Variants in GPR158 observed in about 807,000 individuals in gnomAD.
GPR158 encodes G protein-coupled receptor 158.
A neutral mutation model predicts 78.2 loss-of-function variants in GPR158; 30 were observed. The observed-to-expected ratio is 0.38, with a 90% CI of 0.29 to 0.52. The LOEUF (loss-of-function observed/expected upper bound fraction) is 0.52. Ranked by LOEUF, GPR158 falls within the 20% of genes least tolerant of loss-of-function variation. The pLI is 0.83. For synonymous variants in GPR158, 581 were observed against 591.1 expected (o/e 0.98, Z 0.25); for missense variants, 1,463 against 1,523.5 (o/e 0.96, Z 0.66).
At chr10:25,496,512 CT>C (rs761833444) in intron 5 of GPR158, among the ~76,000 whole-genome samples, 3 of 152,204 alleles carry the variant, frequency 2.0e-5, no homozygotes, top group African/African-American at 4.8e-5. Flanking sequence ...AAGTAAAAGA[CT>C]CTGGGGAGTT....
chr10:25,510,372 T>G (rs1836069016), intron 5 of GPR158, among the ~76,000 whole-genome samples: 1 of 152,206 alleles, frequency 6.6e-6, no homozygotes, highest in African/African-American at 2.4e-5. Flanking sequence ...GTATAGGAGC[T>G]TCACATTTTA....
At chr10:25,312,908 T>G (rs568118419) in intron 2 of GPR158, among the ~76,000 whole-genome samples, 2 of 152,138 alleles carry the variant, frequency 1.3e-5, no homozygotes, top group East Asian at 3.9e-4. Context: ...ACCCCCATAT[T>G]TTTGCATTAT....
chr10:25,524,748 A>T (rs2130686663), intron 5 of GPR158, among the ~76,000 whole-genome samples: 1 of 152,348 alleles, frequency 6.6e-6, no homozygotes, highest in South Asian at 2.1e-4. Flanking sequence ...TAGATATGAC[A>T]CCAAAATCAC....
chr10:25,421,131 G>A (rs947490), intron 4 of GPR158, among the ~76,000 whole-genome samples: 105,805 of 151,440 alleles, frequency 0.7, 37,932 homozygotes, highest in Non-Finnish European at 0.8. Flanking sequence ...CTTTCATTTT[G>A]CTTAGTAATG....
chr10:25,198,621 T>C (rs1251470596), intron 1 of GPR158, among the ~76,000 whole-genome samples: 2 of 152,224 alleles, frequency 1.3e-5, no homozygotes, highest in Non-Finnish European at 2.9e-5. Context: ...AAATTTGGCC[T>C]TCTAAATAAG....
At chr10:25,408,509 T>G (rs1398478125) in intron 3 of GPR158, among the ~76,000 whole-genome samples, 1 of 152,236 alleles carries the variant, frequency 6.6e-6, no homozygotes, top group Non-Finnish European at 1.5e-5. Context: ...TATCGTCTCC[T>G]ATTCTACAGT....
At chr10:25,405,482 CAA>C (rs1212108555) in intron 3 of GPR158, among the ~76,000 whole-genome samples, 1 of 97,128 alleles carries the variant, frequency 1.0e-5, no homozygotes, top group African/African-American at 3.7e-5. Context: ...CAAAATCTGA[CAA>C]GAGAAACAAT....
chr10:25,341,994 G>T (rs1855309569), intron 2 of GPR158, among the ~76,000 whole-genome samples: 3 of 151,882 alleles, frequency 2.0e-5, no homozygotes, highest in Admixed American at 6.6e-5. Flanking sequence ...CAGAGTTCCT[G>T]ATACTTATTG....
intron 5 of GPR158, among the ~76,000 whole-genome samples, chr10:25,531,733 G>A (rs1418501721): frequency 6.6e-6 from 1 of 152,186 alleles, no homozygotes; most frequent in African/African-American, 2.4e-5. Context: ...AATCTTTAAG[G>A]AATAAATATA....
intron 4 of GPR158, among the ~76,000 whole-genome samples, chr10:25,443,573 A>AATT (rs1491399142): frequency 1.1e-5 from 1 of 92,678 alleles, no homozygotes; most frequent in African/African-American, 4.5e-5. Context: ...AAAAAAAAAA[A>AATT]TTTTTTTTTT....
intron 5 of GPR158, among the ~76,000 whole-genome samples, chr10:25,528,463 T>G (rs1000372475): frequency 6.6e-6 from 1 of 152,060 alleles, no homozygotes; most frequent in Non-Finnish European, 1.5e-5. Context: ...TAAGTGAATT[T>G]GTCAGGGTTC....
intron 1 of GPR158, among the ~76,000 whole-genome samples, chr10:25,189,784 A>AT (rs1202168303): frequency 2.7e-5 from 4 of 150,516 alleles, no homozygotes; most frequent in African/African-American, 7.4e-5. Context: ...TTAAAGTATA[A>AT]TTTAAAAAAA....
At chr10:25,523,981 G>T (rs1344229868) in intron 5 of GPR158, among the ~76,000 whole-genome samples, 5 of 151,986 alleles carry the variant, frequency 3.3e-5, no homozygotes, top group African/African-American at 1.2e-4. Context: ...GTTCAGCAAA[G>T]TTGCAGAATA....
rs546265500 is a variant in GPR158, at chr10:25,238,063, C to CTCCTTCTTCT, written c.1008+16915_1008+16924dup. 7.7e-3 allele frequency among the ~76,000 whole-genome samples: 1,151 copies of CTCCTTCTTCT among 149,834 alleles called. 13 individuals are homozygous for CTCCTTCTTCT. Among genetic ancestry groups the CTCCTTCTTCT allele is most frequent in the African/African-American group, 0.028 (1,102 of 39,758 alleles). ...AATTCTTGTCTTTCTTTTCTTTTCT[C>CTCCTTCTTCT]TCCTTCTTCTTCCTTCTTTTTCTTT... On this transcript the variant is annotated intron_variant, in intron 2 of 10. Coordinates refer to ENST00000376351, the MANE Select transcript of GPR158 (RefSeq NM_020752.3).
At chr10:25,565,162 C>A (rs916594521) in intron 6 of GPR158, among the ~76,000 whole-genome samples, 13 of 152,058 alleles carry the variant, frequency 8.5e-5, no homozygotes, top group African/African-American at 3.1e-4. Flanking sequence ...TGGTCATAAC[C>A]GTCAGAAGGA....
At chr10:25,262,651 G>A (rs1410043353) in intron 2 of GPR158, among the ~76,000 whole-genome samples, 2 of 152,000 alleles carry the variant, frequency 1.3e-5, no homozygotes, top group Non-Finnish European at 2.9e-5. Context: ...CTCACATGTG[G>A]AACCTCCCCC....
At chr10:25,245,305 C>A (rs2130713145) in intron 2 of GPR158, among the ~76,000 whole-genome samples, 1 of 152,284 alleles carries the variant, frequency 6.6e-6, no homozygotes, top group East Asian at 1.9e-4. Flanking sequence ...GTGAGCCTGG[C>A]CCAGGCCATG....
chr10:25,407,375 T>G (rs1475228317), intron 3 of GPR158, among the ~76,000 whole-genome samples: 1 of 152,236 alleles, frequency 6.6e-6, no homozygotes, highest in African/African-American at 2.4e-5. Context: ...CTAGGTATCT[T>G]TGCTATTTTT....
At chr10:25,312,175 C>A (rs1854773892) in intron 2 of GPR158, among the ~76,000 whole-genome samples, 1 of 151,840 alleles carries the variant, frequency 6.6e-6, no homozygotes, top group African/African-American at 2.4e-5. Flanking sequence ...GATCTGAAAC[C>A]ATTTCAGAGG....
Sources: allele counts gnomAD v4.1 joint callset (sites outside exome capture counted in the v4.1 genomes callset), GRCh38; gene constraint gnomAD v4.1.1; transcripts MANE v1.5; gene names NCBI Gene and HGNC (gene_info 2026-07-23, HGNC 2026-07-21).